Variants in GALNTL6 observed in about 807,000 individuals in gnomAD.
GALNTL6 encodes polypeptide N-acetylgalactosaminyltransferase-like 6.
GALNTL6 carries 46 observed loss-of-function variants against 73.7 expected under a neutral mutation model. That is an observed-to-expected ratio of 0.62 (90% CI 0.49 to 0.80). The LOEUF is 0.80. Ranked by LOEUF, GALNTL6 falls within the 30% of genes least tolerant of loss-of-function variation. The pLI is 0.00. For synonymous variants in GALNTL6, 259 were observed against 263.7 expected, an observed-to-expected ratio of 0.98 and a Z score of 0.17; for missense variants, 604 against 755.0, an observed-to-expected ratio of 0.80 and a Z score of 2.34.
intron 3 of GALNTL6, among the ~76,000 whole-genome samples, chr4:172,301,960 C>T (rs1739946791): frequency 1.3e-5 from 2 of 152,316 alleles, no homozygotes; most frequent in Admixed American, 1.3e-4. Context: ...ATGCCCTGCT[C>T]CCAGAGGTGG....
At chr4:172,735,422 T>C (rs1319741114) in intron 5 of GALNTL6, among the ~76,000 whole-genome samples, 1 of 152,196 alleles carries the variant, frequency 6.6e-6, no homozygotes, top group East Asian at 1.9e-4. Flanking sequence ...GGAACAGGTG[T>C]GTTTACCCAT....
chr4:172,339,397 T>C (rs557819345), intron 4 of GALNTL6, among the ~76,000 whole-genome samples: 38 of 151,998 alleles, frequency 2.5e-4, no homozygotes, highest in African/African-American at 8.0e-4. Context: ...CCTAGACCTG[T>C]GGCAAGGGGA....
rs1367651288 is a variant in GALNTL6, at chr4:172,348,575, C to T, written c.439C>T (p.Pro147Ser). The T allele has an allele frequency of 6.2e-7, 1 of 1,611,466 alleles. No individual in the cohort carries two copies. The highest frequency in any genetic ancestry group is 8.5e-7 in the Non-Finnish European group (1 of 1,177,798). The change falls in exon 5 of 13, where the codon CCA becomes TCA. Residue 147 changes from proline (P) to serine (S), a missense_variant. This residue lies in a region of GALNTL6 where 9 missense variants were observed against 30.3 expected (regional missense o/e 0.30). Transcript: ENST00000506823. ...ERLPNTSIIIPFHNEGWTSLL... is the reference protein window; with the variant it reads ...ERLPNTSIIISFHNEGWTSLL... ...GCTGCCAAACACCAGCATCATTATCCCATTTCATAATGAAGGTTGGACTTC... is the reference window on the plus strand; with the variant it reads ...GCTGCCAAACACCAGCATCATTATCTCATTTCATAATGAAGGTTGGACTTC...
intron 10 of GALNTL6, among the ~76,000 whole-genome samples, chr4:172,995,875 G>T (rs1173533606): frequency 6.6e-6 from 1 of 152,080 alleles, no homozygotes; most frequent in African/African-American, 2.4e-5. Context: ...AAAACCCTTG[G>T]TCAGCCAAGC....
chr4:172,072,291 G>A (rs1331604729), intron 2 of GALNTL6, among the ~76,000 whole-genome samples: 1 of 151,810 alleles, frequency 6.6e-6, no homozygotes, highest in Admixed American at 6.6e-5. Context: ...TAGATGGTTT[G>A]CTCAGGGAAT....
intron 5 of GALNTL6, among the ~76,000 whole-genome samples, chr4:172,396,317 T>C (rs202012534): frequency 0.12 from 15 of 128 alleles, 1 homozygote; most frequent in East Asian, 0.5. Flanking sequence ...TTTTTTTTTC[T>C]TTTTTTTTTT....
At chr4:172,163,686 A>G (rs1157145664) in intron 2 of GALNTL6, among the ~76,000 whole-genome samples, 1 of 152,008 alleles carries the variant, frequency 6.6e-6, no homozygotes, top group Admixed American at 6.6e-5. Context: ...AACTTTGAAA[A>G]CCAATCAAGC....
At chr4:172,867,997 C>T (rs1403416880) in intron 7 of GALNTL6, among the ~76,000 whole-genome samples, 1 of 152,164 alleles carries the variant, frequency 6.6e-6, no homozygotes, top group South Asian at 2.1e-4. Context: ...ATTTAGTACC[C>T]CAAGGGAATG....
At chr4:172,265,152 T>C (rs1157965011) in intron 3 of GALNTL6, among the ~76,000 whole-genome samples, 1 of 152,054 alleles carries the variant, frequency 6.6e-6, no homozygotes. Flanking sequence ...ACAATTTTAA[T>C]AGTTGAGAAG....
At chr4:172,815,371 C>T (rs769144273) in intron 7 of GALNTL6, among the ~76,000 whole-genome samples, 6 of 151,950 alleles carry the variant, frequency 3.9e-5, no homozygotes, top group Admixed American at 1.3e-4. Context: ...GGGCCTTAAC[C>T]GTGGTAGAAC....
At chr4:172,295,582 C>G (rs1317849728) in intron 3 of GALNTL6, among the ~76,000 whole-genome samples, 7 of 85,372 alleles carry the variant, frequency 8.2e-5, no homozygotes, top group Non-Finnish European at 1.3e-4. Context: ...CTGGTTTACT[C>G]TATAACCAAA....
intron 5 of GALNTL6, among the ~76,000 whole-genome samples, chr4:172,538,837 A>C (rs1344042015): frequency 6.6e-6 from 1 of 152,230 alleles, no homozygotes; most frequent in Admixed American, 6.5e-5. Flanking sequence ...TAGAAGTGAC[A>C]AACAGCCAGA....
chr4:172,391,440 A>G (rs1409968670), intron 5 of GALNTL6, among the ~76,000 whole-genome samples: 7 of 152,142 alleles, frequency 4.6e-5, no homozygotes, highest in Non-Finnish European at 7.3e-5. Flanking sequence ...TCTTGGGCTC[A>G]AGCAATCCTC....
chr4:172,471,929 T>G (rs1440532475), intron 5 of GALNTL6, among the ~76,000 whole-genome samples: 1 of 152,234 alleles, frequency 6.6e-6, no homozygotes, highest in Non-Finnish European at 1.5e-5. Flanking sequence ...CAATTCAGTT[T>G]TTTTCTTTTT....
At chr4:172,603,190 T>C (rs1333347761) in intron 5 of GALNTL6, among the ~76,000 whole-genome samples, 3 of 152,202 alleles carry the variant, frequency 2.0e-5, no homozygotes, top group South Asian at 2.1e-4. Flanking sequence ...TCATTTAAAA[T>C]GGGGAACAAT....
rs58814170 is a variant in GALNTL6 at position 172,399,315 on chromosome 4, T to G, written c.553+50626T>G. On this transcript the variant is annotated intron_variant, in intron 5 of 12. Coordinates refer to ENST00000506823, the MANE Select transcript of GALNTL6 (RefSeq NM_001034845.3). Reference sequence around the variant, plus strand: ...AGTCAAAATATTGCATAAATTTTTATTTTTGGCTAGCCTATATTTTCTAAA... The same window carrying G: ...AGTCAAAATATTGCATAAATTTTTAGTTTTGGCTAGCCTATATTTTCTAAA... Among the ~76,000 whole-genome samples the G allele has an allele frequency of 3.1e-3, 468 of 152,210 alleles. 5 individuals carry two copies. Among genetic ancestry groups the G allele is most frequent in the African/African-American group, 0.01 (430 of 41,570 alleles).
chr4:172,465,133 A>C (rs1189606454), intron 5 of GALNTL6, among the ~76,000 whole-genome samples: 1 of 152,172 alleles, frequency 6.6e-6, no homozygotes, highest in Non-Finnish European at 1.5e-5. Context: ...CAATATTTCC[A>C]GTGGTGCATG....
chr4:172,968,795 T>C (rs1171560766), intron 10 of GALNTL6, among the ~76,000 whole-genome samples: 1 of 152,164 alleles, frequency 6.6e-6, no homozygotes, highest in African/African-American at 2.4e-5. Context: ...TTTTTAATAC[T>C]TCACAGTAAC....
At chr4:172,833,963 C>A (rs1416186963) in intron 7 of GALNTL6, among the ~76,000 whole-genome samples, 2 of 151,958 alleles carry the variant, frequency 1.3e-5, no homozygotes, top group Non-Finnish European at 2.9e-5. Flanking sequence ...AAAAATACAA[C>A]AAAAATAGCT....
Sources: gnomAD v4.1 joint callset for allele counts (sites outside exome capture counted in the v4.1 genomes callset) on GRCh38, gnomAD v4.1.1 for gene constraint, gnomAD v4.1.1 regional missense constraint, MANE v1.5 for transcripts, NCBI Gene and HGNC (gene_info 2026-07-23, HGNC 2026-07-21) for gene names.